Variants in CDK17 observed in about 807,000 individuals in gnomAD.
The protein encoded by CDK17 is cyclin-dependent kinase 17.
In CDK17, 24 loss-of-function variants were observed where a neutral mutation model predicts 77.6. The ratio of observed to expected loss-of-function variants is 0.31; its 90% CI spans 0.22 to 0.44. The LOEUF (loss-of-function observed/expected upper bound fraction) is 0.44. Ranked by LOEUF, CDK17 falls within the 20% of genes least tolerant of loss-of-function variation. CDK17 has a pLI of 1.00. For missense variants in CDK17, 429 were observed against 622.5 expected (o/e 0.69, Z 3.31); for synonymous variants, 203 against 210.4 (o/e 0.96, Z 0.30).
At chr12:96,369,908 T>G (rs1953663585) in intron 1 of CDK17, among the ~76,000 whole-genome samples, 1 of 152,204 alleles carries the variant, frequency 6.6e-6, no homozygotes, top group Non-Finnish European at 1.5e-5. Flanking sequence ...GTGAAACTCC[T>G]TAACTGTTTC....
chr12:96,388,864 G>C (rs1332286104), intron 1 of CDK17, among the ~76,000 whole-genome samples: 3 of 152,126 alleles, frequency 2.0e-5, no homozygotes, highest in Non-Finnish European at 4.4e-5. Context: ...GAACAGGCAT[G>C]TCACATGGCG....
intron 1 of CDK17, among the ~76,000 whole-genome samples, chr12:96,383,512 TAAAAC>T (rs1467195447): frequency 2.6e-5 from 4 of 151,424 alleles, no homozygotes; most frequent in Non-Finnish European, 4.4e-5. Context: ...CTACCCGACT[TAAAAC>T]TAAACTGTAG....
intron 3 of CDK17, among the ~76,000 whole-genome samples, chr12:96,317,671 A>G (rs1467022685): frequency 9.1e-5 from 12 of 131,608 alleles, no homozygotes; most frequent in Non-Finnish European, 1.5e-4. Flanking sequence ...AGAATTTTCA[A>G]CCCAGAATTT....
At chr12:96,297,383 T>G (rs1952422415) in intron 8 of CDK17, 51 bp from the exon 9 acceptor site, 1 of 1,221,818 alleles carries the variant, frequency 8.2e-7, no homozygotes, top group Non-Finnish European at 1.2e-6. Flanking sequence ...CAGAATGTTG[T>G]GACTGGTTCA....
intron 1 of CDK17, among the ~76,000 whole-genome samples, chr12:96,385,113 A>T (rs772313900): frequency 3.2e-4 from 48 of 151,988 alleles, no homozygotes; most frequent in Non-Finnish European, 5.4e-4. Context: ...GGAGTTGAAG[A>T]CCAGCCTGGC....
chr12:96,361,757 GA>G (rs367633417), intron 1 of CDK17, among the ~76,000 whole-genome samples: 2 of 151,982 alleles, frequency 1.3e-5, no homozygotes, highest in African/African-American at 4.8e-5. Context: ...AGAATTGGGG[GA>G]AAAAAATTTT....
chr12:96,335,261 A>C (rs1592735658), intron 1 of CDK17: 6 of 304,746 alleles, frequency 2.0e-5, no homozygotes, highest in South Asian at 1.7e-4. Flanking sequence ...TTCAGATATA[A>C]CAGGGAGGCG....
At chr12:96,394,850 TTTTTA>T (rs1954142354) in intron 1 of CDK17, among the ~76,000 whole-genome samples, 1 of 144,942 alleles carries the variant, frequency 6.9e-6, no homozygotes, top group African/African-American at 2.5e-5. Context: ...TATTATTTTA[TTTTTA>T]TTTATTATTT....
At chr12:96,324,516 C>T (rs958234415) in intron 2 of CDK17, among the ~76,000 whole-genome samples, 3 of 152,110 alleles carry the variant, frequency 2.0e-5, no homozygotes, top group Admixed American at 1.3e-4. Context: ...CCTGTAATCC[C>T]AGCACTTTGG....
At chr12:96,292,862 T>C (rs1419688091) in intron 10 of CDK17, among the ~76,000 whole-genome samples, 2 of 151,926 alleles carry the variant, frequency 1.3e-5, no homozygotes, top group East Asian at 1.9e-4. Context: ...AATAGATAAA[T>C]AGCTACAATT....
At chr12:96,304,202 G>A (rs143996103) in intron 5 of CDK17, among the ~76,000 whole-genome samples, 217 of 152,284 alleles carry the variant, frequency 1.4e-3, no homozygotes, top group African/African-American at 5.1e-3. Context: ...TGTATGTACA[G>A]AGGATCCATA....
chr12:96,299,772 T>C (rs529342966), intron 6 of CDK17, among the ~76,000 whole-genome samples: 160 of 152,354 alleles, frequency 1.1e-3, no homozygotes, highest in Non-Finnish European at 1.7e-3. Flanking sequence ...ATCTCTTCTA[T>C]TATTGCCAGG....
At chr12:96,312,011 G>A (rs943154135) in intron 4 of CDK17, among the ~76,000 whole-genome samples, 2 of 152,154 alleles carry the variant, frequency 1.3e-5, no homozygotes, top group Admixed American at 1.3e-4. Flanking sequence ...GATACAGAAA[G>A]AAGTCTTTCC....
chr12:96,335,182 A>G (rs1953025238), intron 1 of CDK17: 1 of 382,750 alleles, frequency 2.6e-6, no homozygotes, highest in South Asian at 2.1e-5. Flanking sequence ...TAAAATATCA[A>G]TATTATTTTG....
At chr12:96,390,842 C>T (rs1165815773) in intron 1 of CDK17, among the ~76,000 whole-genome samples, 1 of 151,620 alleles carries the variant, frequency 6.6e-6, no homozygotes, top group Non-Finnish European at 1.5e-5. Flanking sequence ...GCGGCTCAAA[C>T]CTGTAATCCC....
chr12:96,383,715 T>C lies in CDK17; in HGVS notation c.-30+16271A>G, dbSNP rs190693286. The stretch of plus-strand genomic sequence containing the variant: ...AATAAATCATGTTGGGATAACTGGA[T>C]AGGCATACACAGAAGAATGAAAGTG... On this transcript the variant is annotated intron_variant, in intron 1 of 16. Transcript: ENST00000261211. Among the ~76,000 whole-genome samples the C allele has an allele frequency of 1.1e-4, 16 of 152,258 alleles. No individual in the cohort carries two copies. The East Asian group carries it at 2.7e-3, about 26-fold the overall frequency.
At chr12:96,368,631 ATCC>A (rs1953630487) in intron 1 of CDK17, among the ~76,000 whole-genome samples, 1 of 152,106 alleles carries the variant, frequency 6.6e-6, no homozygotes, top group Non-Finnish European at 1.5e-5. Flanking sequence ...AGTAGGAAAT[ATCC>A]TCCTTTTAAT....
chr12:96,348,523 C>CAAAAAAAAAAAAAAAAAAAAAAA (rs35363324), intron 1 of CDK17, among the ~76,000 whole-genome samples: 10 of 66,362 alleles, frequency 1.5e-4, no homozygotes, highest in Non-Finnish European at 2.3e-4. Flanking sequence ...GACTCTGTCT[C>CAAAAAAAAAAAAAAAAAAAAAAA]AAAAAAAAAA....
At chr12:96,294,918 C>T in intron 10 of CDK17, 81 bp downstream of exon 10, 1 of 1,174,102 alleles carries the variant, frequency 8.5e-7, no homozygotes, top group Non-Finnish European at 1.2e-6. Flanking sequence ...AAAGCAATGG[C>T]ACATTATGAC....
Sources: allele counts gnomAD v4.1 joint callset (sites outside exome capture counted in the v4.1 genomes callset), GRCh38; gene constraint gnomAD v4.1.1; transcripts MANE v1.5; gene names NCBI Gene and HGNC (gene_info 2026-07-23, HGNC 2026-07-21).